Variants in SH3D19 observed in about 807,000 individuals in gnomAD.
SH3D19 encodes SH3 domain containing 19.
A neutral mutation model predicts 112.1 loss-of-function variants in SH3D19; 58 were observed. The observed-to-expected ratio is 0.52, with a 90% CI of 0.42 to 0.64. The LOEUF is 0.64. SH3D19 is among the 30% of genes least tolerant of loss of function. The probability of loss-of-function intolerance (pLI) is 0.00; values close to 1 mark genes in which losing one functional copy is unlikely to be tolerated. For missense variants in SH3D19, 1,090 were observed against 1,263.4 expected (o/e 0.86, Z 2.08); for synonymous variants, 391 against 448.5 (o/e 0.87, Z 1.62).
chr4:151,247,488 A>T (rs10012999), intron 1 of SH3D19, among the ~76,000 whole-genome samples: 49,896 of 152,104 alleles, frequency 0.33, 9,497 homozygotes, highest in Non-Finnish European at 0.44. Context: ...TATTTCTTTT[A>T]AAAAATTAAA....
Position 151,175,164 on chromosome 4 carries a change from T to C in SH3D19, c.1040A>G (p.Glu347Gly). The change falls in exon 7 of 20, where the codon GAG (glutamate) becomes GGG (glycine). Residue 347 changes from glutamate to glycine, a missense_variant. Transcript: ENST00000604030. ...TCTGTTCTCAGTCCCAGAGTCCCAC[T>C]CTCCAGAAGCTCTGTTAGCAGCTGG... ...PKPAANRASG[E>G]WDSGTENRLK... The C allele has an allele frequency of 1.2e-6, 2 of 1,614,074 alleles. No individual in the cohort carries two copies. The highest frequency in any genetic ancestry group is 1.7e-5 in the Admixed American group (1 of 60,012).
intron 1 of SH3D19, among the ~76,000 whole-genome samples, chr4:151,276,947 C>G (rs1368443545): frequency 6.6e-6 from 1 of 152,168 alleles, no homozygotes; most frequent in Non-Finnish European, 1.5e-5. Flanking sequence ...TCTCCCAGGA[C>G]AGCAGGGGGC....
intron 1 of SH3D19, among the ~76,000 whole-genome samples, chr4:151,298,442 C>T (rs1005622828): frequency 1.4e-5 from 2 of 139,004 alleles, no homozygotes; most frequent in East Asian, 2.1e-4. Context: ...TCCCAAAGTG[C>T]TGGAATTACA....
intron 9 of SH3D19, among the ~76,000 whole-genome samples, chr4:151,152,136 G>T (rs1359679711): frequency 6.6e-6 from 1 of 152,202 alleles, no homozygotes; most frequent in Non-Finnish European, 1.5e-5. Flanking sequence ...CATTCTGAAA[G>T]GCACTGCTGT....
intron 6 of SH3D19, among the ~76,000 whole-genome samples, chr4:151,176,035 G>A (rs1416889330): frequency 3.9e-5 from 6 of 151,920 alleles, no homozygotes; most frequent in South Asian, 2.1e-4. Flanking sequence ...CACACTCAGC[G>A]AATTTTTCCA....
rs936504388 is a variant in SH3D19, at chr4:151,149,646, G to A, written c.1756-85C>T. The stretch of plus-strand genomic sequence containing the variant: ...AGAAATTCTAGGCAACCTTTTGGCT[G>A]GATCTACAAGTAGAAATGCAGTTGA... On this transcript the variant is annotated intron_variant, in intron 9 of 19. Coordinates refer to ENST00000604030, the MANE Select transcript of SH3D19 (RefSeq NM_001378122.1). The A allele has an allele frequency of 8.6e-6, 10 of 1,161,544 alleles. No homozygotes were observed. In the African/African-American group the frequency reaches 1.4e-4, roughly 16 times the overall value. 72.0% of individuals were successfully genotyped at this position (1,161,544 alleles called of 1,614,324 possible). A position where few individuals can be genotyped will look rare whatever the true frequency, so the allele number is the denominator to read the frequency against.
At position 151,122,511 on chromosome 4, in the gene SH3D19, T is replaced by TCACACACACACA. The variant is rs3064664; in HGVS notation, c.3028-316_3028-305dup. 3.1e-3 allele frequency among the ~76,000 whole-genome samples: 460 copies of TCACACACACACA among 148,512 alleles called. 2 individuals carry two copies. Among genetic ancestry groups the TCACACACACACA allele is most frequent in the East Asian group, 7.9e-3 (40 of 5,036 alleles). On this transcript the variant is annotated intron_variant, in intron 19 of 19. Transcript: ENST00000604030. ...CCTCTTGAACAAATAATACCAGTTA[T>TCACACACACACA]CACACACACACACACACACACACAC...
intron 1 of SH3D19, among the ~76,000 whole-genome samples, chr4:151,307,606 T>C (rs1729048375): frequency 6.6e-6 from 1 of 152,240 alleles, no homozygotes; most frequent in Non-Finnish European, 1.5e-5. Flanking sequence ...CGAGGCCCCT[T>C]TGCTGTCTCT....
At chr4:151,322,452 A>C (rs1561459832) in intron 1 of SH3D19, among the ~76,000 whole-genome samples, 1 of 150,814 alleles carries the variant, frequency 6.6e-6, no homozygotes, top group Admixed American at 6.6e-5. Flanking sequence ...AAAAAAAAAA[A>C]AAACCTTTCC....
intron 1 of SH3D19, among the ~76,000 whole-genome samples, chr4:151,254,776 C>G (rs1279121480): frequency 6.6e-6 from 1 of 151,368 alleles, no homozygotes; most frequent in Non-Finnish European, 1.5e-5. Flanking sequence ...CCACCTTTCC[C>G]GCCTTTCTAT....
intron 2 of SH3D19, among the ~76,000 whole-genome samples, chr4:151,224,008 A>C (rs1768527925): frequency 6.6e-6 from 1 of 152,158 alleles, no homozygotes; most frequent in South Asian, 2.1e-4. Flanking sequence ...AATTGAACAG[A>C]ATATCAAAAG....
At chr4:151,146,545 G>GT (rs1753953411) in intron 11 of SH3D19, among the ~76,000 whole-genome samples, 2 of 150,222 alleles carry the variant, frequency 1.3e-5, no homozygotes, top group African/African-American at 2.5e-5. Flanking sequence ...TTGTTGTTTT[G>GT]TTTTTTTGAG....
intron 2 of SH3D19, among the ~76,000 whole-genome samples, chr4:151,209,926 A>C (rs1765691865): frequency 6.6e-6 from 1 of 152,186 alleles, no homozygotes; most frequent in Non-Finnish European, 1.5e-5. Context: ...GAGCATTATA[A>C]CATAAAAATA....
chr4:151,277,254 G>A, intron 1 of SH3D19: 1 of 1,464,454 alleles, frequency 6.8e-7, no homozygotes. Context: ...TGAGAAGGCA[G>A]AGGCAGAGGA....
chr4:151,170,843 T>A (rs1374494308), intron 7 of SH3D19: 1 of 152,238 alleles, frequency 6.6e-6, no homozygotes, highest in African/African-American at 2.4e-5. Context: ...GGTTCCCTGT[T>A]CTCTCCTATC....
intron 6 of SH3D19, 23 bp downstream of exon 6, chr4:151,176,511 G>T: frequency 8.1e-7 from 1 of 1,231,980 alleles, no homozygotes; most frequent in Non-Finnish European, 1.0e-6. Flanking sequence ...TCAGAATTAG[G>T]GAAGACAAAT....
At chr4:151,315,033 A>G (rs551656300) in intron 1 of SH3D19, among the ~76,000 whole-genome samples, 1 of 152,342 alleles carries the variant, frequency 6.6e-6, no homozygotes, top group African/African-American at 2.4e-5. Flanking sequence ...ATAGGTGGGT[A>G]CATTGCCACA....
chr4:151,146,104 CCTT>C (rs1753868996), intron 11 of SH3D19, among the ~76,000 whole-genome samples: 2 of 152,136 alleles, frequency 1.3e-5, no homozygotes, highest in African/African-American at 4.8e-5. Flanking sequence ...TATACTGCCT[CCTT>C]CTTATTTGTC....
intron 2 of SH3D19, among the ~76,000 whole-genome samples, chr4:151,205,761 ATGGTTTTACATCTT>A (rs1397898618): frequency 6.6e-6 from 1 of 152,170 alleles, no homozygotes; most frequent in Admixed American, 6.5e-5. Flanking sequence ...ACCTACACTA[ATGGTTTTACATCTT>A]TTAACTCACT....
Sources: allele counts gnomAD v4.1 joint callset (sites outside exome capture counted in the v4.1 genomes callset), GRCh38; gene constraint gnomAD v4.1.1; transcripts MANE v1.5; gene names NCBI Gene and HGNC (gene_info 2026-07-23, HGNC 2026-07-21).